The following PSG1 variants were observed in gnomAD, a reference collection of about 807,000 sequenced individuals.
PSG1 encodes pregnancy-specific beta-1-glycoprotein 1.
A neutral mutation model predicts 41.4 loss-of-function variants in PSG1; 60 were observed. The observed-to-expected ratio is 1.45, with a 90% CI of 1.18 to 1.80. PSG1 has a LOEUF of 1.80. PSG1 is among the 40% of genes most tolerant of loss of function. The pLI is 0.00. For synonymous variants in PSG1, 256 were observed against 192.9 expected (o/e 1.33, Z -2.71); for missense variants, 806 against 516.9 (o/e 1.56, Z -5.42).
chr19:42,868,998 A>G lies in PSG1; in HGVS notation c.746T>C (p.Leu249Ser), dbSNP rs961247642. The change falls in exon 4 of 6, where the codon TTA (leucine) becomes TCA (serine). Residue 249 changes from leucine to serine, a missense_variant. Transcript: ENST00000436291. ...LPKPYITINN[L>S]NPRENKDVLN... Reference sequence around the variant, plus strand: ...GACATCCTTATTCTCCCTGGGGTTTAAGTTGTTGATGGTGATGTAGGGCTT... The same window carrying G: ...GACATCCTTATTCTCCCTGGGGTTTGAGTTGTTGATGGTGATGTAGGGCTT... 3 of 1,610,448 alleles carry G rather than the reference A, an allele frequency of 1.9e-6. No homozygotes were observed. Among genetic ancestry groups the G allele is most frequent in the East Asian group, 2.2e-5 (1 of 44,802 alleles).
At chr19:42,870,360 A>T (rs1451846871) in intron 3 of PSG1, 1 of 151,676 alleles carries the variant, frequency 6.6e-6, no homozygotes, top group Non-Finnish European at 1.5e-5. Flanking sequence ...AGTAGGCAAA[A>T]GTGGGAGGTG....
intron 5 of PSG1, 174 bp downstream of exon 5, chr19:42,867,927 T>C: frequency 6.5e-7 from 1 of 1,539,976 alleles, no homozygotes. Context: ...TCAGCCTGTT[T>C]GTTAAAGTTT....
chr19:42,878,153 C>T lies in PSG1; in HGVS notation c.190G>A (p.Gly64Ser), dbSNP rs201335145. The T allele has an allele frequency of 2.8e-5, 45 of 1,612,148 alleles. 1 individual carries two copies. Among genetic ancestry groups the T allele is most frequent in the East Asian group, 2.0e-4 (9 of 44,784 alleles). Residue 64 changes from glycine to serine, a missense_variant, in exon 2 of 6, where the codon GGC becomes AGC. Physicochemically the swap from Gly to Ser is moderately conservative, Grantham distance 56. Transcript: ENST00000436291. ...LVHNLPQNLTGYIWYKGQMRD... is the reference protein window; with the variant it reads ...LVHNLPQNLTSYIWYKGQMRD... ...ATTTGCCCTTTGTACCAGATGTAGC[C>T]GGTAAGATTCTGGGGCAAATTGTGG...
intron 5 of PSG1, chr19:42,867,780 T>C: frequency 4.9e-6 from 5 of 1,029,034 alleles, no homozygotes; most frequent in Non-Finnish European, 7.4e-6. Flanking sequence ...ATTCCATCAA[T>C]GTAGAAAACA....
At chr19:42,869,311 C>A in intron 3 of PSG1, 2 of 683,704 alleles carry the variant, frequency 2.9e-6, no homozygotes, top group Non-Finnish European at 2.2e-6. Context: ...GTCACAGCCC[C>A]TGGTACCCTT....
Position 42,876,343 on chromosome 19 carries a change from C to T in PSG1, c.430+1570G>A, listed in dbSNP as rs920805527. Among the ~76,000 whole-genome samples, 10 of 151,216 alleles carry T rather than the reference C, an allele frequency of 6.6e-5. 1 individual carries two copies. The South Asian group carries it at 8.4e-4, about 13-fold the overall frequency. The stretch of plus-strand genomic sequence containing the variant: ...GACCAAGGAGCCCTCGAGAACCCTC[C>T]GGTGGCTTAAGAGCTTCAGAATTAC... On this transcript the variant is annotated intron_variant, in intron 2 of 5. Transcript: ENST00000436291.
In PSG1 at chr19:42,867,562, T is replaced by C. The variant is rs557595091; in HGVS notation, c.1244-412A>G. The C allele has an allele frequency of 4.2e-4, 272 of 640,494 alleles. 6 individuals are homozygous for C. Among genetic ancestry groups the C allele is most frequent in the Admixed American group, 6.2e-4 (19 of 30,882 alleles). The allele number at this position is 640,494 out of a possible 1,614,324, so 39.7% of individuals were successfully genotyped here. ...ATCAAAGCATTGGTAATATAACCAA[T>C]GATTTCAAATGTGTCATGTTACAAA... On this transcript the variant is annotated intron_variant, in intron 5 of 5. Transcript: ENST00000436291.
rs1196995346 is a variant in PSG1 at position 42,866,962 on chromosome 19, T to C, written c.*172A>G. ...TTTACAGTTTGAGCATCTGTTGTTATGGTGTCGAATATTTTGGTGAGTTCT... is the reference window on the plus strand; with the variant it reads ...TTTACAGTTTGAGCATCTGTTGTTACGGTGTCGAATATTTTGGTGAGTTCT... On this transcript the variant is annotated 3_prime_UTR_variant, in exon 6 of 6. Coordinates refer to ENST00000436291, the MANE Select transcript of PSG1 (RefSeq NM_001184825.2). 69 of 755,552 alleles carry C rather than the reference T, an allele frequency of 9.1e-5. 3 individuals are homozygous for C. The highest frequency in any genetic ancestry group is 2.2e-5 in the Non-Finnish European group (9 of 413,256). 46.8% of individuals were successfully genotyped at this position (755,552 alleles called of 1,614,324 possible). A position where few individuals can be genotyped will look rare whatever the true frequency, so the allele number is the denominator to read the frequency against.
At position 42,870,918 on chromosome 19, in the gene PSG1, A is replaced by G. The variant is rs182061085; in HGVS notation, c.709+849T>C. On this transcript the variant is annotated intron_variant, in intron 3 of 5. Coordinates refer to ENST00000436291, the MANE Select transcript of PSG1 (RefSeq NM_001184825.2). ...CTTTCAGATTGTTCATTGTTAGTGT[A>G]TAGTCTAAAGAATGATCTAGAAAGA... Among the ~76,000 whole-genome samples the G allele has an allele frequency of 8.9e-3, 1,347 of 151,784 alleles. 48 individuals carry two copies. Among genetic ancestry groups the G allele is most frequent in the African/African-American group, 0.03 (1,239 of 41,362 alleles).
chr19:42,874,435 C>T (rs1173335664), intron 2 of PSG1, among the ~76,000 whole-genome samples: 1 of 151,590 alleles, frequency 6.6e-6, no homozygotes, highest in African/African-American at 2.4e-5. Flanking sequence ...CAAGCTCTGC[C>T]TCCTGGGTTC....
chr19:42,876,597 G>A (rs1971618005), intron 2 of PSG1: 2 of 351,980 alleles, frequency 5.7e-6, no homozygotes, highest in Admixed American at 6.2e-5. Context: ...GGTGTAGAGT[G>A]TGAGTGGGGA....
Position 42,867,053 on chromosome 19 carries a change from C to T in PSG1, c.*81G>A, listed in dbSNP as rs1432964074. On this transcript the variant is annotated 3_prime_UTR_variant, in exon 6 of 6. Coordinates refer to ENST00000436291, the MANE Select transcript of PSG1 (RefSeq NM_001184825.2). ...TTTACATTGAGTTGTCCACCTCCAG[C>T]TTATAGGGCTTCTGGAACAGAGTGG... 2.6e-6 allele frequency: 2 copies of T among 771,042 alleles called. No homozygotes were observed. The highest frequency in any genetic ancestry group is 4.9e-5 in the East Asian group (2 of 41,152). 47.8% of individuals were successfully genotyped at this position (771,042 alleles called of 1,614,324 possible). A position where few individuals can be genotyped will look rare whatever the true frequency, so the allele number is the denominator to read the frequency against.
chr19:42,867,258 C>T, intron 5 of PSG1, 108 bp from the exon 6 acceptor site: 1 of 724,958 alleles, frequency 1.4e-6, no homozygotes, highest in Non-Finnish European at 2.5e-6. Flanking sequence ...ATGGGCATCT[C>T]TACTTTTACC....
chr19:42,868,939 A>G lies in PSG1; in HGVS notation c.805T>C (p.Tyr269His). ...CCATTTAGCCACCAAATGTAGGTGT[A>G]GTTCTCACTCTTAGGTTCACAGGTG... ...NFTCEPKSEN[Y>H]TYIWWLNGQS... The change falls in exon 4 of 6, where the codon TAC (tyrosine) becomes CAC (histidine). Residue 269 changes from tyrosine to histidine, a missense_variant. Transcript: ENST00000436291. 6.2e-7 allele frequency: 1 copy of G among 1,610,588 alleles called. No individual in the cohort carries two copies. Among genetic ancestry groups the G allele is most frequent in the Non-Finnish European group, 8.5e-7 (1 of 1,179,064 alleles).
intron 3 of PSG1, chr19:42,869,938 C>G (rs1450348011): frequency 1.3e-5 from 2 of 151,654 alleles, no homozygotes; most frequent in Non-Finnish European, 2.9e-5. Flanking sequence ...GGATATGAGA[C>G]AAATTTGGAG....
chr19:42,873,756 T>C (rs4380148), intron 2 of PSG1, among the ~76,000 whole-genome samples: 50,671 of 151,208 alleles, frequency 0.34, 9,625 homozygotes, highest in South Asian at 0.46. Flanking sequence ...AGAAAGGATG[T>C]CAAATTAAAA....
intron 2 of PSG1, among the ~76,000 whole-genome samples, chr19:42,877,686 T>C (rs1474456908): frequency 6.6e-6 from 1 of 151,758 alleles, no homozygotes; most frequent in Non-Finnish European, 1.5e-5. Flanking sequence ...CCCATCAGAC[T>C]GTCCTTCCTC....
Position 42,871,943 on chromosome 19 carries a change from T to A in PSG1, c.533A>T (p.Tyr178Phe), listed in dbSNP as rs776521077. 1.4e-5 allele frequency: 23 copies of A among 1,612,256 alleles called. 1 individual carries two copies. The highest frequency in any genetic ancestry group is 2.0e-5 in the Non-Finnish European group (23 of 1,179,216). The change falls in exon 3 of 6, where the codon TAC becomes TTC. Residue 178 changes from tyrosine to phenylalanine, a missense_variant. By Grantham distance (22) the Tyr-to-Phe change is conservative (BLOSUM62 3). Coordinates refer to ENST00000436291, the MANE Select transcript of PSG1 (RefSeq NM_001184825.2). ...GCTCTGACCATTCATCCACCACAGG[T>A]AGCTTGCGTCTGGAGTCTCAGGGTC... ...TCDPETPDASYLWWMNGQSLP... is the reference protein window; with the variant it reads ...TCDPETPDASFLWWMNGQSLP...
At position 42,876,332 on chromosome 19, in the gene PSG1, C is replaced by T. The variant is rs534490182; in HGVS notation, c.430+1581G>A. Among the ~76,000 whole-genome samples the T allele has an allele frequency of 1.8e-4, 27 of 151,296 alleles. No homozygotes were observed. In the South Asian group the frequency reaches 3.4e-3, roughly 19 times the overall value. On this transcript the variant is annotated intron_variant, in intron 2 of 5. Coordinates refer to ENST00000436291, the MANE Select transcript of PSG1 (RefSeq NM_001184825.2). The stretch of plus-strand genomic sequence containing the variant: ...CCATAGTCCAGGACCAAGGAGCCCT[C>T]GAGAACCCTCCGGTGGCTTAAGAGC...
Sources: allele counts gnomAD v4.1 joint callset (sites outside exome capture counted in the v4.1 genomes callset), GRCh38; gene constraint gnomAD v4.1.1; transcripts MANE v1.5; gene names NCBI Gene and HGNC (gene_info 2026-07-23, HGNC 2026-07-21).